Variants in NAV2 observed in about 807,000 individuals in gnomAD.
NAV2 encodes neuron navigator 2, also known as helicase, APC down-regulated 1.
Under a neutral mutation model 223.2 loss-of-function variants are expected in NAV2, and 54 were observed. That is an observed-to-expected ratio of 0.24 (90% CI 0.19 to 0.30). NAV2 has a LOEUF of 0.30. Among genes scored for constraint, NAV2 ranks in the 10% least tolerant of loss-of-function variants. NAV2 has a pLI of 1.00. For synonymous variants in NAV2, 1,279 were observed against 1,239.3 expected, an observed-to-expected ratio of 1.03 and a Z score of -0.67; for missense variants, 2,806 against 3,147.5, an observed-to-expected ratio of 0.89 and a Z score of 2.60.
chr11:19,971,655 A>G (rs1015607080), intron 10 of NAV2, among the ~76,000 whole-genome samples: 2 of 152,224 alleles, frequency 1.3e-5, no homozygotes, highest in Non-Finnish European at 2.9e-5. Context: ...TGAACTCTCC[A>G]GGAAGACAAT....
chr11:19,694,243 G>A (rs1204310819), intron 1 of NAV2, among the ~76,000 whole-genome samples: 1 of 152,234 alleles, frequency 6.6e-6, no homozygotes, highest in South Asian at 2.1e-4. Context: ...AGCCTCAGCT[G>A]CACTGTGTGG....
intron 4 of NAV2, among the ~76,000 whole-genome samples, chr11:19,870,583 C>A (rs143668626): frequency 1.6e-3 from 237 of 152,192 alleles, no homozygotes; most frequent in Middle Eastern, 3.4e-3. Flanking sequence ...ATTTGTTCTC[C>A]CCATCTGTCC....
chr11:20,072,392 G>C (rs1414657856), intron 22 of NAV2, among the ~76,000 whole-genome samples: 1 of 152,102 alleles, frequency 6.6e-6, no homozygotes, highest in Non-Finnish European at 1.5e-5. Context: ...TGTTCTTTTT[G>C]CTTAAGATTG....
intron 1 of NAV2, among the ~76,000 whole-genome samples, chr11:19,482,190 A>G (rs560592398): frequency 1.3e-5 from 2 of 152,356 alleles, no homozygotes; most frequent in Admixed American, 6.5e-5. Context: ...CCAAGAAGGC[A>G]AGTACCATGA....
rs542015252 is a variant in NAV2 at position 19,991,536 on chromosome 11, C to A, written c.2768+7289C>A. 1.1e-3 allele frequency among the ~76,000 whole-genome samples: 175 copies of A among 152,284 alleles called. 1 individual carries two copies. The highest frequency in any genetic ancestry group is 4.0e-3 in the African/African-American group (167 of 41,552). On this transcript the variant is annotated intron_variant, in intron 11 of 37. Transcript: ENST00000349880. ...ATTTAATTAATTAGCTCATAATTAA[C>A]CCCTTTTATTTCTATAACAGCTTAT...
chr11:20,083,059 C>T lies in NAV2; in HGVS notation c.5378C>T (p.Ala1793Val), dbSNP rs755976878. The change falls in exon 26 of 38, where the codon GCG becomes GTG. Residue 1793 changes from alanine (A) to valine (V), a missense_variant. By Grantham distance (64) the Ala-to-Val change is moderately conservative. This residue lies in a region of NAV2 where 824 missense variants were observed against 1,069.4 expected (regional missense o/e 0.77). Coordinates refer to ENST00000349880, the MANE Select transcript of NAV2 (RefSeq NM_145117.5). ...AFGKKKSPKS[A>V]SSHSDIEEMT... The stretch of plus-strand genomic sequence containing the variant: ...GGGAAGAAGAAGTCCCCAAAATCTG[C>T]GTCCTCTCATTCAGATATTGAGGAG... 34 of 1,614,006 alleles carry T rather than the reference C, an allele frequency of 2.1e-5. No homozygotes were observed. Among genetic ancestry groups the T allele is most frequent in the Non-Finnish European group, 2.9e-5 (34 of 1,179,998 alleles).
chr11:19,827,544 T>C (rs562798717), intron 1 of NAV2, among the ~76,000 whole-genome samples: 3 of 152,296 alleles, frequency 2.0e-5, no homozygotes, highest in African/African-American at 7.2e-5. Flanking sequence ...TAGTAGAAAC[T>C]AACATTGCCC....
At chr11:19,840,366 C>CA (rs886685736) in intron 2 of NAV2, among the ~76,000 whole-genome samples, 24 of 152,240 alleles carry the variant, frequency 1.6e-4, no homozygotes, top group African/African-American at 5.5e-4. Context: ...GAAATTAGAC[C>CA]AAGCCCTTTG....
intron 1 of NAV2, among the ~76,000 whole-genome samples, chr11:19,658,306 A>C (rs2048183200): frequency 6.6e-6 from 1 of 152,190 alleles, no homozygotes; most frequent in African/African-American, 2.4e-5. Context: ...CTATTATTCT[A>C]TAGTGAATAC....
At chr11:20,115,340 C>T (rs1019165652) in intron 37 of NAV2, among the ~76,000 whole-genome samples, 8 of 151,958 alleles carry the variant, frequency 5.3e-5, no homozygotes, top group Non-Finnish European at 1.2e-4. Context: ...CAATAAAGGC[C>T]CTTTAAGAAG....
intron 1 of NAV2, among the ~76,000 whole-genome samples, chr11:19,355,286 G>T (rs73428641): frequency 0.085 from 12,487 of 147,710 alleles, 525 homozygotes; most frequent in Middle Eastern, 0.15. Flanking sequence ...CTTGATGATT[G>T]AGTAGTGACA....
At position 19,541,482 on chromosome 11, in the gene NAV2, G is replaced by A. The variant is rs182519686; in HGVS notation, c.75+190455G>A. Among the ~76,000 whole-genome samples the A allele has an allele frequency of 1.9e-4, 29 of 152,360 alleles. 1 individual carries two copies. The East Asian group carries it at 5.6e-3, about 29-fold the overall frequency. ...GGCCCATCTTTGGGAACTGCCAGCCGATGGTTGGCAAATGACAACCCATGT... is the reference window on the plus strand; with the variant it reads ...GGCCCATCTTTGGGAACTGCCAGCCAATGGTTGGCAAATGACAACCCATGT... On this transcript the variant is annotated intron_variant, in intron 1 of 37. Coordinates refer to the NAV2 transcript ENST00000360655.
intron 1 of NAV2, among the ~76,000 whole-genome samples, chr11:19,446,073 T>C (rs1271850271): frequency 1.3e-5 from 2 of 152,212 alleles, no homozygotes; most frequent in East Asian, 1.9e-4. Context: ...TTCAAGACTT[T>C]TTCCAGATCT....
intron 1 of NAV2, among the ~76,000 whole-genome samples, chr11:19,578,238 C>T (rs933237910): frequency 6.6e-6 from 1 of 152,232 alleles, no homozygotes; most frequent in African/African-American, 2.4e-5. Flanking sequence ...CTGAGATTTT[C>T]ATAAATTAAC....
At chr11:19,744,401 G>A (rs1003076863) in intron 1 of NAV2, among the ~76,000 whole-genome samples, 2 of 152,156 alleles carry the variant, frequency 1.3e-5, no homozygotes, top group African/African-American at 4.8e-5. Flanking sequence ...CCTCCAGAAG[G>A]TTTAGTTCTG....
chr11:20,043,050 C>T (rs1448156663), intron 12 of NAV2, among the ~76,000 whole-genome samples: 1 of 152,202 alleles, frequency 6.6e-6, no homozygotes, highest in Non-Finnish European at 1.5e-5. Flanking sequence ...AAAGCAGTGG[C>T]ATATAAATAA....
intron 11 of NAV2, among the ~76,000 whole-genome samples, chr11:19,999,590 C>T (rs1367016342): frequency 6.6e-6 from 1 of 152,188 alleles, no homozygotes; most frequent in Non-Finnish European, 1.5e-5. Context: ...AGGCTGGTCT[C>T]AAATTCCTGA....
chr11:19,604,207 C>G (rs2046423322), intron 1 of NAV2, among the ~76,000 whole-genome samples: 1 of 151,990 alleles, frequency 6.6e-6, no homozygotes, highest in Non-Finnish European at 1.5e-5. Context: ...AAGAGTTACT[C>G]TAGAGGCTGT....
Position 20,119,022 on chromosome 11 carries a change from A to G in NAV2, c.*764A>G, listed in dbSNP as rs1010341165. The G allele has an allele frequency of 6.6e-6, 1 of 151,860 alleles. No homozygotes were observed. The highest frequency in any genetic ancestry group is 3.2e-3 in the Middle Eastern group (1 of 312). The allele number at this position is 151,860 out of a possible 1,614,324, so 9.4% of individuals were successfully genotyped here. ...CGAGTGGATGTGGCTGTCAGTGCAGAACAGCATGTGTCTCTTTCCTTCTGA... is the reference window on the plus strand; with the variant it reads ...CGAGTGGATGTGGCTGTCAGTGCAGGACAGCATGTGTCTCTTTCCTTCTGA... On this transcript the variant is annotated 3_prime_UTR_variant, in exon 38 of 38. Transcript: ENST00000349880.
Sources: gnomAD v4.1 joint callset for allele counts (sites outside exome capture counted in the v4.1 genomes callset) on GRCh38, gnomAD v4.1.1 for gene constraint, gnomAD v4.1.1 regional missense constraint, MANE v1.5 for transcripts, NCBI Gene and HGNC (gene_info 2026-07-23, HGNC 2026-07-21) for gene names.